Variants in TRIQK observed in about 807,000 individuals in gnomAD.
TRIQK encodes the protein triple QxxK/R motif containing.
A neutral mutation model predicts 10.8 loss-of-function variants in TRIQK; 10 were observed. The observed-to-expected ratio is 0.92, with a 90% CI of 0.57 to 1.57. The LOEUF (loss-of-function observed/expected upper bound fraction) is 1.57. Among genes scored for constraint, TRIQK ranks in the 40% most tolerant of loss-of-function variants. The pLI is 0.00. For missense variants in TRIQK, 107 were observed against 97.7 expected (o/e 1.09, Z -0.40); for synonymous variants, 33 against 33.7 (o/e 0.98, Z 0.07).
intron 1 of TRIQK, among the ~76,000 whole-genome samples, chr8:93,008,969 A>C (rs1813301675): frequency 6.6e-6 from 1 of 152,214 alleles, no homozygotes; most frequent in Admixed American, 6.5e-5. Flanking sequence ...ATAGACAAAT[A>C]AGATTACATC....
At chr8:92,934,350 T>C (rs561704039) in intron 2 of TRIQK, among the ~76,000 whole-genome samples, 7 of 152,046 alleles carry the variant, frequency 4.6e-5, no homozygotes, top group African/African-American at 1.7e-4. Context: ...GGGTAATTAT[T>C]TTCATGCCGA....
chr8:92,974,122 C>A (rs1812904998), intron 1 of TRIQK: 1 of 152,292 alleles, frequency 6.6e-6, no homozygotes, highest in African/African-American at 2.4e-5. Context: ...GAGGCCACAT[C>A]AGAGAAGTGG....
intron 3 of TRIQK, among the ~76,000 whole-genome samples, chr8:92,903,056 T>C (rs1809041893): frequency 6.6e-6 from 1 of 151,974 alleles, no homozygotes; most frequent in South Asian, 2.1e-4. Flanking sequence ...AAAACTTTAG[T>C]AATCCAATAC....
At chr8:92,923,606 AAC>A (rs1225031700) in intron 2 of TRIQK, among the ~76,000 whole-genome samples, 3 of 151,948 alleles carry the variant, frequency 2.0e-5, no homozygotes, top group Non-Finnish European at 4.4e-5. Context: ...GAAACTTGAT[AAC>A]ACATATTTAA....
At chr8:92,917,494 T>A (rs1738594338) in intron 2 of TRIQK, among the ~76,000 whole-genome samples, 2 of 152,006 alleles carry the variant, frequency 1.3e-5, no homozygotes, top group African/African-American at 4.8e-5. Flanking sequence ...GAATTTCAGT[T>A]CTAGTTCTGC....
intron 1 of TRIQK, among the ~76,000 whole-genome samples, chr8:93,005,804 C>T (rs1018203576): frequency 3.9e-5 from 6 of 151,932 alleles, no homozygotes; most frequent in African/African-American, 1.5e-4. Flanking sequence ...AAGCCCTGCC[C>T]AGAGAAATCA....
chr8:92,899,900 C>T (rs1037111325), intron 3 of TRIQK, among the ~76,000 whole-genome samples: 1 of 151,216 alleles, frequency 6.6e-6, no homozygotes, highest in Non-Finnish European at 1.5e-5. Context: ...TCCTCCACAT[C>T]CTCACCAGCA....
At chr8:92,985,731 C>T (rs1262482374) in intron 1 of TRIQK, among the ~76,000 whole-genome samples, 2 of 151,948 alleles carry the variant, frequency 1.3e-5, no homozygotes, top group Non-Finnish European at 2.9e-5. Context: ...TTTTTGTTGC[C>T]GATGTAATTG....
At chr8:92,966,598 A>G (rs1300075701), upstream of TRIQK, among the ~76,000 whole-genome samples, 2 of 152,196 alleles carry the variant, frequency 1.3e-5, no homozygotes, top group Non-Finnish European at 2.9e-5. Flanking sequence ...AGGATTTAGG[A>G]GCCTATGTTC....
At chr8:92,916,725 A>C (rs1414148730) in intron 3 of TRIQK, among the ~76,000 whole-genome samples, 1 of 152,008 alleles carries the variant, frequency 6.6e-6, no homozygotes, top group African/African-American at 2.4e-5. Context: ...AAGAGCACTG[A>C]AAAATCGTAA....
At chr8:92,985,250 G>A (rs1263354178) in intron 1 of TRIQK, among the ~76,000 whole-genome samples, 3 of 152,070 alleles carry the variant, frequency 2.0e-5, no homozygotes, top group Non-Finnish European at 2.9e-5. Flanking sequence ...GCACGCGCAC[G>A]CATGCACATG....
chr8:92,949,820 AAG>A (rs1161421130), intron 2 of TRIQK, among the ~76,000 whole-genome samples: 2 of 139,926 alleles, frequency 1.4e-5, no homozygotes, highest in East Asian at 2.1e-4. Context: ...GAAAGAAAGA[AAG>A]AAAGAAAGAA....
At chr8:92,984,426 T>G (rs1813013269) in intron 1 of TRIQK, among the ~76,000 whole-genome samples, 1 of 152,104 alleles carries the variant, frequency 6.6e-6, no homozygotes, top group African/African-American at 2.4e-5. Context: ...AAAAAGTGTT[T>G]CTAGAGGTCA....
At chr8:92,887,295 T>C (rs1816535579) in intron 4 of TRIQK, among the ~76,000 whole-genome samples, 1 of 151,604 alleles carries the variant, frequency 6.6e-6, no homozygotes, top group East Asian at 1.9e-4. Context: ...CTAAAGTCTA[T>C]AGTTTACACT....
In TRIQK at chr8:93,011,199, CACACACAT is replaced by C. The variant is rs773142549; in HGVS notation, c.-181+6402_-181+6409del. Among the ~76,000 whole-genome samples the C allele has an allele frequency of 4.3e-3, 427 of 99,986 alleles. 4 individuals carry two copies. The highest frequency in any genetic ancestry group is 0.028 in the South Asian group (83 of 2,972). 65.6% of individuals were successfully genotyped at this position (99,986 alleles called of 152,430 possible). Reference sequence around the variant, plus strand: ...ATACATACACACACACACACACACACACACACATATATATATATATATACAGGAGGTAT... The same window carrying C: ...ATACATACACACACACACACACACACATATATATATATATACAGGAGGTAT... On this transcript the variant is annotated intron_variant, in intron 1 of 4. Coordinates refer to the TRIQK transcript ENST00000520686.
chr8:92,993,034 G>T (rs1813113422), intron 1 of TRIQK, among the ~76,000 whole-genome samples: 1 of 152,146 alleles, frequency 6.6e-6, no homozygotes, highest in Non-Finnish European at 1.5e-5. Context: ...AACCTATGAA[G>T]AGAAGCCATC....
chr8:92,999,603 C>T (rs1363842953), intron 1 of TRIQK, among the ~76,000 whole-genome samples: 1 of 152,126 alleles, frequency 6.6e-6, no homozygotes, highest in Non-Finnish European at 1.5e-5. Context: ...ATTTTCCTGA[C>T]CCAATTTGTG....
chr8:92,988,863 A>G (rs890892664), intron 1 of TRIQK, among the ~76,000 whole-genome samples: 2 of 152,206 alleles, frequency 1.3e-5, no homozygotes, highest in Non-Finnish European at 1.5e-5. Flanking sequence ...TGAACTGCAT[A>G]TCATAAAAAT....
chr8:92,959,574 CG>C (rs780606893), intron 1 of TRIQK, among the ~76,000 whole-genome samples: 8 of 151,140 alleles, frequency 5.3e-5, no homozygotes, highest in East Asian at 3.9e-4. Context: ...CTGGTATCTT[CG>C]GGTCTTTTTC....
Sources: gnomAD v4.1 joint callset for allele counts (sites outside exome capture counted in the v4.1 genomes callset) on GRCh38, gnomAD v4.1.1 for gene constraint, MANE v1.5 for transcripts, NCBI Gene and HGNC (gene_info 2026-07-23, HGNC 2026-07-21) for gene names.